The following PAX5 variants were observed in gnomAD, a reference collection of about 807,000 sequenced individuals.
The protein encoded by PAX5 is paired box 5.
PAX5 carries 9 observed loss-of-function variants against 43.7 expected under a neutral mutation model. The ratio of observed to expected loss-of-function variants is 0.21; its 90% CI spans 0.12 to 0.36. The LOEUF (loss-of-function observed/expected upper bound fraction) is 0.36. Among genes scored for constraint, PAX5 ranks in the 10% least tolerant of loss-of-function variants. The pLI is 1.00. For missense variants in PAX5, 383 were observed against 532.7 expected (o/e 0.72, Z 2.77); for synonymous variants, 228 against 214.3 (o/e 1.06, Z -0.56).
chr9:37,023,402 CCA>C (rs1419302492), intron 1 of PAX5, among the ~76,000 whole-genome samples: 1 of 152,112 alleles, frequency 6.6e-6, no homozygotes, highest in African/African-American at 2.4e-5. Flanking sequence ...CCTATGGACT[CCA>C]GTTAGGTGAG....
rs747484704 is a variant in PAX5, at chr9:36,923,439, C to T, written c.826G>A (p.Asp276Asn). The T allele has an allele frequency of 3.1e-6, 5 of 1,612,674 alleles. No individual in the cohort carries two copies. The highest frequency in any genetic ancestry group is 2.2e-5 in the East Asian group (1 of 44,866). ...AMASLAGGLD[D>N]MKANLASPTP... The stretch of plus-strand genomic sequence containing the variant: ...GGGCTGGCCAGATTGGCCTTCATGT[C>T]GTCCAGCCCACCAGCCAGCGAGGCC... Residue 276 changes from aspartate to asparagine, a missense_variant, in exon 7 of 10, where the codon GAC becomes AAC. Asp to Asn is a conservative substitution (Grantham distance 23). Transcript: ENST00000358127.
chr9:36,958,481 T>G (rs1220023237), intron 6 of PAX5, among the ~76,000 whole-genome samples: 1 of 140,430 alleles, frequency 7.1e-6, no homozygotes, highest in Non-Finnish European at 1.6e-5. Context: ...GGGGGAAGTG[T>G]GAGGAGGTGG....
intron 6 of PAX5, among the ~76,000 whole-genome samples, chr9:36,946,080 G>T (rs546164683): frequency 6.6e-6 from 1 of 151,968 alleles, no homozygotes; most frequent in African/African-American, 2.4e-5. Flanking sequence ...TCCCTGAGGA[G>T]TGCTCCGTCA....
At chr9:36,918,986 C>T (rs1204371372) in intron 7 of PAX5, among the ~76,000 whole-genome samples, 1 of 152,198 alleles carries the variant, frequency 6.6e-6, no homozygotes, top group Non-Finnish European at 1.5e-5. Context: ...CCATCTAGGA[C>T]TTTCATAGAT....
rs199646937 is a variant in PAX5 at position 36,882,102 on chromosome 9, C to T, written c.914G>A (p.Arg305His). Residue 305 changes from arginine (R) to histidine (H), a missense_variant, in exon 8 of 10, where the codon CGT becomes CAT. Transcript: ENST00000358127. This position sits in a 1 kb window ranked among gnomAD's most constrained non-coding sequence, Gnocchi z 4.4. Reference sequence around the variant, plus strand: ...GGGGAGGGTCGTGCTCGCCAAGTCACGGCCTGAGGAATCAAAGCAACAAAT... The same window carrying T: ...GGGGAGGGTCGTGCTCGCCAAGTCATGGCCTGAGGAATCAAAGCAACAAAT... ...GPQSYPIVTGRDLASTTLPGY... is the reference protein window; with the variant it reads ...GPQSYPIVTGHDLASTTLPGY... 359 of 1,581,752 alleles carry T rather than the reference C, an allele frequency of 2.3e-4. No homozygotes were observed. Among genetic ancestry groups the T allele is most frequent in the Non-Finnish European group, 2.9e-4 (337 of 1,160,548 alleles).
chr9:37,021,354 G>GA (rs201155079), intron 1 of PAX5, among the ~76,000 whole-genome samples: 84 of 150,610 alleles, frequency 5.6e-4, no homozygotes, highest in South Asian at 1.5e-3. Context: ...AGAGTACTGA[G>GA]AAAAAAAAAC....
chr9:37,001,359 C>T (rs923053951), intron 5 of PAX5, among the ~76,000 whole-genome samples: 4 of 152,152 alleles, frequency 2.6e-5, no homozygotes, highest in Non-Finnish European at 4.4e-5. Flanking sequence ...CCAGCTTAGG[C>T]ACATCTGCTG....
intron 5 of PAX5, among the ~76,000 whole-genome samples, chr9:36,981,237 T>C (rs1835903613): frequency 6.8e-6 from 1 of 147,750 alleles, no homozygotes; most frequent in South Asian, 2.3e-4. Context: ...CTAGCTTTGT[T>C]TTCCTCCAGA....
rs535787259 is a variant in PAX5 at position 36,953,584 on chromosome 9, A to G, written c.780+12965T>C. ...CTATTGTCATATCTTCAAGCTCCCA[A>G]ATTCTTGGTTTGGCTGTGTCCAGTC... On this transcript the variant is annotated intron_variant, in intron 6 of 9. Transcript: ENST00000358127. Among the ~76,000 whole-genome samples the G allele has an allele frequency of 4.6e-4, 70 of 152,140 alleles. No individual in the cohort carries two copies. In the South Asian group the frequency reaches 0.014, roughly 31 times the overall value.
chr9:36,924,653 G>A (rs1276832963), intron 6 of PAX5, among the ~76,000 whole-genome samples: 1 of 150,288 alleles, frequency 6.7e-6, no homozygotes, highest in Admixed American at 6.7e-5. Context: ...CCAGGAGATC[G>A]AGGCTGCAGT....
intron 4 of PAX5, 104 bp from the exon 5 acceptor site, chr9:37,002,880 G>T: frequency 7.3e-7 from 1 of 1,369,924 alleles, no homozygotes; most frequent in Non-Finnish European, 9.8e-7. Flanking sequence ...AGCGAGCGCA[G>T]GGTGGGCAGG....
intron 5 of PAX5, among the ~76,000 whole-genome samples, chr9:36,984,384 C>G (rs1836203964): frequency 6.6e-6 from 1 of 150,514 alleles, no homozygotes; most frequent in South Asian, 2.1e-4. Context: ...GTTTGAATCC[C>G]AGCCTTGTGA....
At chr9:36,848,575 C>T (rs898661030) in intron 8 of PAX5, among the ~76,000 whole-genome samples, 1 of 152,156 alleles carries the variant, frequency 6.6e-6, no homozygotes, top group Non-Finnish European at 1.5e-5. Context: ...TCCTCCTCCT[C>T]AGGTGGGGGA....
rs927532682 is a variant in PAX5 at position 36,836,577 on chromosome 9, G to A, written c.*3983C>T. 3.0e-5 allele frequency: 7 copies of A among 232,950 alleles called. No individual in the cohort carries two copies. The highest frequency in any genetic ancestry group is 5.1e-5 in the Non-Finnish European group (6 of 117,876). 14.4% of individuals were successfully genotyped at this position (232,950 alleles called of 1,614,324 possible). On this transcript the variant is annotated 3_prime_UTR_variant, in exon 10 of 10. Transcript: ENST00000358127. ...GGGCAGGCACACTTCTGGGCATCTC[G>A]GGCACTGCTGCACCGTACTGTCTGG...
In PAX5 at chr9:37,015,914, C is replaced by T. The variant is rs1839349362; in HGVS notation, c.213-720G>A. ...TTGTATTTCTATTGGACAGCACTGG[C>T]TAAGCATTAACAAAATTCTTTCACA... On this transcript the variant is annotated intron_variant, in intron 2 of 9. Coordinates refer to ENST00000358127, the MANE Select transcript of PAX5 (RefSeq NM_016734.3). The surrounding 1 kb of genome is among the most constrained non-coding windows in gnomAD (Gnocchi z 4.4). Among the ~76,000 whole-genome samples, 1 of 152,224 alleles carries T rather than the reference C, an allele frequency of 6.6e-6. No individual in the cohort carries two copies. The highest frequency in any genetic ancestry group is 2.4e-5 in the African/African-American group (1 of 41,468).
At chr9:36,847,623 G>A (rs976935375) in intron 8 of PAX5, among the ~76,000 whole-genome samples, 2 of 152,200 alleles carry the variant, frequency 1.3e-5, no homozygotes, top group Non-Finnish European at 2.9e-5. Flanking sequence ...CACTGGGGAG[G>A]GGGCAGCTGT....
intron 3 of PAX5, chr9:37,007,762 A>G (rs1838570652): frequency 6.6e-6 from 1 of 152,258 alleles, no homozygotes; most frequent in Admixed American, 6.5e-5. Flanking sequence ...TAAAGAAGAC[A>G]TCTAAAAACG....
chr9:36,910,570 C>T (rs1219357377), intron 7 of PAX5, among the ~76,000 whole-genome samples: 4 of 152,242 alleles, frequency 2.6e-5, no homozygotes, highest in East Asian at 1.9e-4. Flanking sequence ...CGGGGGCACA[C>T]GCCAGGCTAA....
intron 6 of PAX5, among the ~76,000 whole-genome samples, chr9:36,941,478 G>A (rs76926227): frequency 0.029 from 4,367 of 152,234 alleles, 101 homozygotes; most frequent in South Asian, 0.049. Context: ...CCAGTATGCC[G>A]GGCGTGAATC....
Sources: gnomAD v4.1 joint callset for allele counts (sites outside exome capture counted in the v4.1 genomes callset) on GRCh38, gnomAD v4.1.1 for gene constraint, Gnocchi (gnomAD v3.1) non-coding constraint, MANE v1.5 for transcripts, NCBI Gene and HGNC (gene_info 2026-07-23, HGNC 2026-07-21) for gene names.